The following FRAS1 variants were observed in gnomAD, a reference collection of about 807,000 sequenced individuals.
The protein encoded by FRAS1 is Fraser extracellular matrix complex subunit 1.
A neutral mutation model predicts 435.2 loss-of-function variants in FRAS1; 290 were observed. That is an observed-to-expected ratio of 0.67 (90% CI 0.61 to 0.73). The LOEUF (loss-of-function observed/expected upper bound fraction) is 0.73. Ranked by LOEUF, FRAS1 falls within the 30% of genes least tolerant of loss-of-function variation. The pLI is 0.00. For synonymous variants in FRAS1, 1,800 were observed against 1,851.0 expected, an observed-to-expected ratio of 0.97 and a Z score of 0.71; for missense variants, 4,860 against 5,001.5, an observed-to-expected ratio of 0.97 and a Z score of 0.85.
rs368396049 is a variant in FRAS1 at position 78,375,855 on chromosome 4, C to T, written c.3268C>T (p.His1090Tyr). Residue 1090 changes from histidine to tyrosine, a missense_variant, in exon 26 of 74, where the codon CAC becomes TAC. Transcript: ENST00000512123. ...VYNCVPGFSV[H>Y]TSNETCSGKI... Reference sequence around the variant, plus strand: ...CAACTGTGTTCCTGGCTTTTCTGTCCACACCTCTAATGAAACATGTTCTGG... The same window carrying T: ...CAACTGTGTTCCTGGCTTTTCTGTCTACACCTCTAATGAAACATGTTCTGG... 1 of 1,613,776 alleles carries T rather than the reference C, an allele frequency of 6.2e-7. No homozygotes were observed. The highest frequency in any genetic ancestry group is 8.5e-7 in the Non-Finnish European group (1 of 1,179,814).
chr4:78,190,592 A>C (rs1258482479), intron 2 of FRAS1, among the ~76,000 whole-genome samples: 86 of 133,386 alleles, frequency 6.4e-4, no homozygotes, highest in African/African-American at 1.2e-3. Flanking sequence ...CCCTCCTTCC[A>C]TCCCCCATCC....
intron 1 of FRAS1, among the ~76,000 whole-genome samples, chr4:78,060,495 C>T (rs1739707043): frequency 6.6e-6 from 1 of 152,210 alleles, no homozygotes; most frequent in African/African-American, 2.4e-5. Context: ...TGGTCTTCCT[C>T]ACTTAGCTGT....
At position 78,540,819 on chromosome 4, in the gene FRAS1, G is replaced by T; in HGVS notation, c.11734G>T (p.Ala3912Ser). 1 of 1,613,924 alleles carries T rather than the reference G, an allele frequency of 6.2e-7. No homozygotes were observed. The highest frequency in any genetic ancestry group is 8.5e-7 in the Non-Finnish European group (1 of 1,179,838). ...GGCGTCCATTGGCAGTGCCCTGGCT[G>T]CAATCATGCTTCTACTTCTGGTGTT... ...TGASIGSALA[A>S]IMLLLLVFLV... Residue 3912 changes from alanine to serine, a missense_variant, in exon 74 of 74, where the codon GCA becomes TCA. Transcript: ENST00000512123.
chr4:78,091,059 C>T (rs552058171), intron 2 of FRAS1, among the ~76,000 whole-genome samples: 3 of 152,124 alleles, frequency 2.0e-5, no homozygotes, highest in African/African-American at 4.8e-5. Context: ...TGTGGGAGGC[C>T]GTTTGGCTGT....
chr4:78,212,581 G>T (rs905388585), intron 2 of FRAS1, among the ~76,000 whole-genome samples: 1 of 152,178 alleles, frequency 6.6e-6, no homozygotes, highest in Non-Finnish European at 1.5e-5. Flanking sequence ...CCTAGGGATA[G>T]AAATGTCTCC....
In FRAS1 at chr4:78,438,715, T is replaced by C. The variant is rs1734527773; in HGVS notation, c.5363T>C (p.Ile1788Thr). The C allele has an allele frequency of 6.3e-7, 1 of 1,590,632 alleles. No individual in the cohort carries two copies. The highest frequency in any genetic ancestry group is 8.6e-7 in the Non-Finnish European group (1 of 1,168,520). Reference sequence around the variant, plus strand: ...ATGGAAGACATCAATAACAAGAAAATCAGGTACATAATCACTTTGTATTAT... The same window carrying C: ...ATGGAAGACATCAATAACAAGAAAACCAGGTACATAATCACTTTGTATTAT... ...FTMEDINNKKIRYSAVFETDG... is the reference protein window; with the variant it reads ...FTMEDINNKKTRYSAVFETDG... Residue 1788 changes from isoleucine (I) to threonine (T), a missense_variant, in exon 39 of 74, where the codon ATC becomes ACC. Transcript: ENST00000512123.
chr4:78,286,620 C>A, intron 14 of FRAS1, 81 bp downstream of exon 14: 1 of 1,465,274 alleles, frequency 6.8e-7, no homozygotes, highest in South Asian at 1.3e-5. Flanking sequence ...TCTGGGGACA[C>A]CAGGAGCTGG....
intron 4 of FRAS1, among the ~76,000 whole-genome samples, chr4:78,248,574 T>G (rs962596201): frequency 2.6e-5 from 4 of 152,158 alleles, no homozygotes; most frequent in African/African-American, 7.2e-5. Flanking sequence ...AACTAATTTA[T>G]GTGTATGAGG....
chr4:78,526,945 A>G (rs1242397494), intron 70 of FRAS1, among the ~76,000 whole-genome samples: 3 of 152,074 alleles, frequency 2.0e-5, no homozygotes, highest in Non-Finnish European at 4.4e-5. Flanking sequence ...CCTTTTGTTG[A>G]TGATTTCTCC....
In FRAS1 at chr4:78,540,690, A is replaced by G. The variant is rs145035489; in HGVS notation, c.11605A>G (p.Ile3869Val). Residue 3869 changes from isoleucine to valine, a missense_variant, in exon 74 of 74, where the codon ATC becomes GTC. Transcript: ENST00000512123. ...DGQLILDDSL[I>V]YDNEGDQVKN... ...CCAGCTGATCCTTGATGATTCCCTC[A>G]TCTATGACAATGAAGGAGACCAAGT... 3.7e-4 allele frequency: 599 copies of G among 1,613,766 alleles called. 2 individuals carry two copies. The African/African-American group carries it at 7.5e-3, about 20-fold the overall frequency.
intron 2 of FRAS1, among the ~76,000 whole-genome samples, chr4:78,135,976 CCTAA>C (rs1444171747): frequency 6.6e-6 from 1 of 152,178 alleles, no homozygotes; most frequent in South Asian, 2.1e-4. Flanking sequence ...CTGATCGATA[CCTAA>C]CTGTGTTTTA....
intron 14 of FRAS1, among the ~76,000 whole-genome samples, chr4:78,306,280 C>T (rs1728710150): frequency 6.6e-6 from 1 of 151,186 alleles, no homozygotes; most frequent in Non-Finnish European, 1.5e-5. Context: ...ACCTTTCTCT[C>T]TGGCTGCCCT....
At chr4:78,180,361 C>T (rs1312724665) in intron 2 of FRAS1, among the ~76,000 whole-genome samples, 1 of 152,060 alleles carries the variant, frequency 6.6e-6, no homozygotes, top group Non-Finnish European at 1.5e-5. Flanking sequence ...GTTAGTATTC[C>T]ACACAGAATA....
At position 78,278,344 on chromosome 4, in the gene FRAS1, C is replaced by A. The variant is rs564542709; in HGVS notation, c.982-311C>A. ...ATCCTTTTCTGAAACTCATAACTTT[C>A]CTAGACTATAACATTAACCTTGGTC... On this transcript the variant is annotated intron_variant, in intron 9 of 73. Coordinates refer to ENST00000512123, the MANE Select transcript of FRAS1 (RefSeq NM_025074.7). Among the ~76,000 whole-genome samples, 405 of 152,296 alleles carry A rather than the reference C, an allele frequency of 2.7e-3. 2 individuals are homozygous for A. The highest frequency in any genetic ancestry group is 9.4e-3 in the African/African-American group (392 of 41,556).
In FRAS1 at chr4:78,160,035, G is replaced by A. The variant is rs564225594; in HGVS notation, c.109-77475G>A. ...GTAGATCATCTCCAACCTCTTATCC[G>A]TGCTACAAGTCAGAGTGGGTATCTA... On this transcript the variant is annotated intron_variant, in intron 2 of 73. Transcript: ENST00000512123. Among the ~76,000 whole-genome samples the A allele has an allele frequency of 5.9e-5, 9 of 152,226 alleles. No individual in the cohort carries two copies. The South Asian group carries it at 1.0e-3, about 18-fold the overall frequency.
At chr4:78,432,266 G>A in intron 37 of FRAS1, 91 bp from the exon 38 acceptor site, 1 of 1,314,718 alleles carries the variant, frequency 7.6e-7, no homozygotes. Flanking sequence ...GATCCTATAT[G>A]AACCTTAAAG....
At chr4:78,251,800 G>T (rs967992090) in intron 4 of FRAS1, among the ~76,000 whole-genome samples, 2 of 152,236 alleles carry the variant, frequency 1.3e-5, no homozygotes, top group Non-Finnish European at 2.9e-5. Context: ...CTGTGAATGT[G>T]CATGTGGCCA....
In FRAS1 at chr4:78,438,937, T is replaced by C. The variant is rs1382725506; in HGVS notation, c.5402T>C (p.Val1801Ala). ...GTGTTTGAAACTGATGGTCATCTGG[T>C]TACTGATAGCTTCTATTTCTCTGTC... ...SAVFETDGHL[V>A]TDSFYFSVSD... Residue 1801 changes from valine (V) to alanine (A), a missense_variant, in exon 40 of 74, where the codon GTT becomes GCT. Transcript: ENST00000512123. 1 of 1,611,880 alleles carries C rather than the reference T, an allele frequency of 6.2e-7. No individual in the cohort carries two copies.
At chr4:78,438,798 T>C in intron 39 of FRAS1, 80 bp downstream of exon 39, 1 of 1,501,474 alleles carries the variant, frequency 6.7e-7, no homozygotes, top group South Asian at 1.2e-5. Flanking sequence ...GTAGCTCTGT[T>C]GAAAGAATAT....
Sources: allele counts gnomAD v4.1 joint callset (sites outside exome capture counted in the v4.1 genomes callset), GRCh38; gene constraint gnomAD v4.1.1; transcripts MANE v1.5; gene names NCBI Gene and HGNC (gene_info 2026-07-23, HGNC 2026-07-21).